The following FAM13A variants were observed in gnomAD, a reference collection of about 807,000 sequenced individuals.
The protein encoded by FAM13A is protein FAM13A.
Under a neutral mutation model 129.6 loss-of-function variants are expected in FAM13A, and 76 were observed. The observed-to-expected ratio is 0.59, with a 90% CI of 0.49 to 0.71. The LOEUF (loss-of-function observed/expected upper bound fraction) is 0.71, where lower values mean the gene tolerates loss of function less well. FAM13A is among the 30% of genes least tolerant of loss of function. The probability of loss-of-function intolerance (pLI) is 0.00; values close to 1 mark genes in which losing one functional copy is unlikely to be tolerated. For synonymous variants in FAM13A, 443 were observed against 449.9 expected, an observed-to-expected ratio of 0.98 and a Z score of 0.20; for missense variants, 1,108 against 1,249.3, an observed-to-expected ratio of 0.89 and a Z score of 1.70.
At chr4:88,988,381 T>C (rs1426438718) in intron 4 of FAM13A, among the ~76,000 whole-genome samples, 2 of 152,218 alleles carry the variant, frequency 1.3e-5, no homozygotes, top group Non-Finnish European at 2.9e-5. Flanking sequence ...CTCCAAATGA[T>C]ATGATGGAAT....
intron 8 of FAM13A, among the ~76,000 whole-genome samples, chr4:88,792,747 G>A (rs1725430944): frequency 6.6e-6 from 1 of 152,036 alleles, no homozygotes; most frequent in Admixed American, 6.6e-5. Context: ...TCATTAGCCT[G>A]TTAGTCCTCT....
intron 6 of FAM13A, among the ~76,000 whole-genome samples, chr4:88,880,783 CGGGGGGGGGG>C (rs70959631): frequency 3.3e-5 from 1 of 30,054 alleles, no homozygotes; most frequent in African/African-American, 1.6e-4. Flanking sequence ...CGGTGGGGGG[CGGGGGGGGGG>C]GGGGCACAGT....
intron 3 of FAM13A, among the ~76,000 whole-genome samples, chr4:88,995,493 C>T (rs1158730889): frequency 6.6e-6 from 1 of 152,150 alleles, no homozygotes; most frequent in African/African-American, 2.4e-5. Context: ...CCATCTCTCT[C>T]CCGTTCTGGA....
chr4:88,858,231 G>C (rs1429428394), intron 6 of FAM13A, among the ~76,000 whole-genome samples: 1 of 152,188 alleles, frequency 6.6e-6, no homozygotes, highest in Non-Finnish European at 1.5e-5. Flanking sequence ...GTACATGGTA[G>C]TAGGGTGAGG....
intron 6 of FAM13A, among the ~76,000 whole-genome samples, chr4:88,868,572 T>A (rs1229951688): frequency 6.6e-6 from 1 of 152,140 alleles, no homozygotes. Context: ...GCTTTTCACC[T>A]CCTATAGTCT....
chr4:88,890,795 A>T (rs1745189097), intron 6 of FAM13A, among the ~76,000 whole-genome samples: 1 of 152,176 alleles, frequency 6.6e-6, no homozygotes, highest in Admixed American at 6.5e-5. Context: ...GTCTCAAAAG[A>T]GAATACTACA....
chr4:89,017,848 T>C (rs1766706697), intron 3 of FAM13A, among the ~76,000 whole-genome samples: 1 of 152,120 alleles, frequency 6.6e-6, no homozygotes, highest in African/African-American at 2.4e-5. Context: ...AGTTTCCAAT[T>C]AGCAAGCCTC....
intron 11 of FAM13A, among the ~76,000 whole-genome samples, chr4:88,777,251 T>A (rs1721932247): frequency 6.6e-6 from 1 of 152,144 alleles, no homozygotes; most frequent in African/African-American, 2.4e-5. Context: ...CAAAGATACT[T>A]TTCACCTTAG....
intron 1 of FAM13A, 75 bp from the exon 2 acceptor site, chr4:89,029,724 C>T (rs765128460): frequency 9.8e-6 from 12 of 1,224,982 alleles, no homozygotes; most frequent in Middle Eastern, 1.9e-4. Flanking sequence ...ACAGAAACAC[C>T]TGAATTAAAA....
intron 7 of FAM13A, among the ~76,000 whole-genome samples, chr4:88,823,838 G>C (rs544270381): frequency 6.6e-6 from 1 of 152,162 alleles, no homozygotes; most frequent in South Asian, 2.1e-4. Flanking sequence ...GGGAGGATAC[G>C]TGCCCTAAGT....
intron 2 of FAM13A, among the ~76,000 whole-genome samples, chr4:89,021,369 T>C (rs1016889971): frequency 6.6e-6 from 1 of 152,256 alleles, no homozygotes; most frequent in African/African-American, 2.4e-5. Flanking sequence ...TTACAAGCTC[T>C]GTCCCTAATC....
At chr4:89,007,893 A>G (rs1195770007) in intron 3 of FAM13A, among the ~76,000 whole-genome samples, 1 of 152,252 alleles carries the variant, frequency 6.6e-6, no homozygotes, top group African/African-American at 2.4e-5. Flanking sequence ...AAACTAAGCA[A>G]TAAGTAGTCA....
intron 21 of FAM13A, among the ~76,000 whole-genome samples, chr4:88,733,379 G>A (rs1196484735): frequency 6.6e-6 from 1 of 152,202 alleles, no homozygotes; most frequent in Non-Finnish European, 1.5e-5. Context: ...GATTGTCTCA[G>A]CTGTGACTTC....
chr4:88,926,759 T>C (rs1409862790), intron 5 of FAM13A, among the ~76,000 whole-genome samples: 1 of 152,244 alleles, frequency 6.6e-6, no homozygotes, highest in Non-Finnish European at 1.5e-5. Flanking sequence ...AAGTAACTTT[T>C]AATATTACTT....
At chr4:89,037,987 T>C (rs1386377395) in intron 1 of FAM13A, among the ~76,000 whole-genome samples, 3 of 152,208 alleles carry the variant, frequency 2.0e-5, no homozygotes, top group Non-Finnish European at 1.5e-5. Context: ...GGTAGTTCTT[T>C]ATAGCAATGT....
At chr4:88,946,198 A>C (rs573166122) in intron 4 of FAM13A, among the ~76,000 whole-genome samples, 1 of 151,016 alleles carries the variant, frequency 6.6e-6, no homozygotes, top group South Asian at 2.1e-4. Context: ...GTTTTAAGCT[A>C]ATAGCCAATC....
intron 7 of FAM13A, chr4:88,823,335 C>T (rs1732413136): frequency 2.7e-6 from 3 of 1,107,444 alleles, no homozygotes; most frequent in African/African-American, 3.3e-5. Flanking sequence ...CCTCCTCCCC[C>T]GCACCCTACT....
chr4:88,836,236 T>C (rs1734779403), intron 7 of FAM13A, among the ~76,000 whole-genome samples: 1 of 152,220 alleles, frequency 6.6e-6, no homozygotes, highest in Non-Finnish European at 1.5e-5. Context: ...TTTTATGTTA[T>C]ATATACATTA....
chr4:88,790,811 G>C (rs1484600272), intron 8 of FAM13A, among the ~76,000 whole-genome samples, 184 bp from the exon 9 acceptor site: 1 of 152,088 alleles, frequency 6.6e-6, no homozygotes, highest in African/African-American at 2.4e-5. Context: ...AGATGGCCCT[G>C]CTTGCTTATA....
Sources: allele counts gnomAD v4.1 joint callset (sites outside exome capture counted in the v4.1 genomes callset), GRCh38; gene constraint gnomAD v4.1.1; transcripts MANE v1.5; gene names NCBI Gene and HGNC (gene_info 2026-07-23, HGNC 2026-07-21).